The following EXOC4 variants were observed in gnomAD, a reference collection of about 807,000 sequenced individuals.
EXOC4 encodes SEC8-like 1.
Under a neutral mutation model 107.2 loss-of-function variants are expected in EXOC4, and 71 were observed. That is an observed-to-expected ratio of 0.66 (90% CI 0.55 to 0.81). The LOEUF (loss-of-function observed/expected upper bound fraction) is 0.81, where lower values mean the gene tolerates loss of function less well. EXOC4 is among the 30% of genes least tolerant of loss of function. EXOC4 has a pLI of 0.00. For synonymous variants in EXOC4, 456 were observed against 441.2 expected, an observed-to-expected ratio of 1.03 and a Z score of -0.42; for missense variants, 1,108 against 1,189.6, an observed-to-expected ratio of 0.93 and a Z score of 1.01.
At position 133,893,555 on chromosome 7, in the gene EXOC4, C is replaced by T. The variant is rs374351576; in HGVS notation, c.1735-2044C>T. Among the ~76,000 whole-genome samples, 6 of 64,816 alleles carry T rather than the reference C, an allele frequency of 9.3e-5. 1 individual carries two copies. The highest frequency in any genetic ancestry group is 1.6e-4 in the Non-Finnish European group (6 of 38,648). 42.5% of individuals were successfully genotyped at this position (64,816 alleles called of 152,430 possible). On this transcript the variant is annotated intron_variant, in intron 11 of 17. Transcript: ENST00000253861. ...TTTACATTTTGGCATGATTTTGCAG[C>T]GGCTGGTACCGGTTGTTCCTTTCCA...
chr7:133,855,165 A>ATTTT (rs374810348), intron 11 of EXOC4, among the ~76,000 whole-genome samples: 3 of 136,640 alleles, frequency 2.2e-5, no homozygotes, highest in African/African-American at 8.9e-5. Context: ...AAATATATAT[A>ATTTT]TTTTTTTTAT....
At chr7:133,918,730 C>T (rs1214039606) in intron 13 of EXOC4, among the ~76,000 whole-genome samples, 2 of 87,042 alleles carry the variant, frequency 2.3e-5, no homozygotes, top group Non-Finnish European at 4.1e-5. Flanking sequence ...ACATTTTCAC[C>T]TCTGTCACTT....
chr7:134,090,534 T>A, the EXOC4 span, among the ~76,000 whole-genome samples: 15 of 152,280 alleles, frequency 9.9e-5, no homozygotes, highest in East Asian at 2.7e-3. Context: ...TAAAAAGTTA[T>A]TTTTACCATT....
Position 134,005,890 on chromosome 7 carries a change from A to G in EXOC4, c.2527+800A>G, listed in dbSNP as rs201588677. 2.6e-5 allele frequency among the ~76,000 whole-genome samples: 4 copies of G among 152,196 alleles called. No individual in the cohort carries two copies. The East Asian group carries it at 5.8e-4, about 22-fold the overall frequency. ...GCTTTATGAAAGTTATATTCCAGCA[A>G]ATTTGGGCCCCCCAAAATCCAATCC... On this transcript the variant is annotated intron_variant, in intron 16 of 17. Coordinates refer to ENST00000253861, the MANE Select transcript of EXOC4 (RefSeq NM_021807.4).
chr7:133,466,283 A>C (rs555079295), intron 7 of EXOC4, among the ~76,000 whole-genome samples: 1 of 152,300 alleles, frequency 6.6e-6, no homozygotes, highest in East Asian at 1.9e-4. Context: ...AAAGATCAAA[A>C]ATTGATATAT....
At chr7:134,014,806 A>C (rs1794863784) in intron 17 of EXOC4, among the ~76,000 whole-genome samples, 1 of 152,100 alleles carries the variant, frequency 6.6e-6, no homozygotes, top group African/African-American at 2.4e-5. Flanking sequence ...TAAAAAAAAA[A>C]GAGGTTGAGT....
chr7:133,668,313 C>T (rs1219777431), intron 10 of EXOC4, among the ~76,000 whole-genome samples: 2 of 152,168 alleles, frequency 1.3e-5, no homozygotes, highest in African/African-American at 2.4e-5. Context: ...GGTCATCTTT[C>T]GGTCGTGTTC....
intron 5 of EXOC4, among the ~76,000 whole-genome samples, chr7:133,335,879 A>G (rs931263737): frequency 1.3e-5 from 2 of 152,068 alleles, no homozygotes; most frequent in South Asian, 2.1e-4. Context: ...GATAGTAGCT[A>G]TCCTAATGGG....
chr7:133,635,052 T>C (rs1373767073), intron 10 of EXOC4, among the ~76,000 whole-genome samples: 1 of 152,176 alleles, frequency 6.6e-6, no homozygotes, highest in Non-Finnish European at 1.5e-5. Context: ...AGAAGGAAGA[T>C]ATGTTAATGT....
rs189329411 is a variant in EXOC4 at position 133,674,015 on chromosome 7, T to G, written c.1514+43874T>G. Among the ~76,000 whole-genome samples, 244 of 152,306 alleles carry G rather than the reference T, an allele frequency of 1.6e-3. 1 individual carries two copies. Among genetic ancestry groups the G allele is most frequent in the Non-Finnish European group, 1.4e-3 (94 of 68,020 alleles). On this transcript the variant is annotated intron_variant, in intron 10 of 17. Coordinates refer to ENST00000253861, the MANE Select transcript of EXOC4 (RefSeq NM_021807.4). Reference sequence around the variant, plus strand: ...CCCTATTCTTAAGACCTACTGTGACTTTCTATAGTGGAGTTCAAGGAAGGC... The same window carrying G: ...CCCTATTCTTAAGACCTACTGTGACGTTCTATAGTGGAGTTCAAGGAAGGC...
intron 7 of EXOC4, among the ~76,000 whole-genome samples, chr7:133,406,728 CA>C (rs1453151034): frequency 2.6e-5 from 4 of 152,160 alleles, no homozygotes; most frequent in African/African-American, 9.7e-5. Flanking sequence ...TCTGCTTCTG[CA>C]GAAAGTTTTC....
At chr7:134,057,569 G>T (rs1330583420) in intron 17 of EXOC4, among the ~76,000 whole-genome samples, 1 of 152,142 alleles carries the variant, frequency 6.6e-6, no homozygotes, top group East Asian at 1.9e-4. Flanking sequence ...AGAGCAATTA[G>T]ATTATACTTT....
intron 7 of EXOC4, among the ~76,000 whole-genome samples, chr7:133,433,397 T>A (rs151222699): frequency 6.6e-6 from 1 of 152,342 alleles, no homozygotes; most frequent in East Asian, 1.9e-4. Flanking sequence ...GCAGTTGGAC[T>A]TGGTCTTTGC....
the EXOC4 span, among the ~76,000 whole-genome samples, chr7:134,092,308 C>A: frequency 6.6e-6 from 1 of 151,794 alleles, no homozygotes; most frequent in African/African-American, 2.4e-5. Context: ...AAAAAAAGTC[C>A]AATTTTTAAC....
intron 11 of EXOC4, among the ~76,000 whole-genome samples, chr7:133,872,321 C>A (rs1798767717): frequency 6.6e-6 from 1 of 152,104 alleles, no homozygotes; most frequent in Non-Finnish European, 1.5e-5. Context: ...TGGTCTTCAT[C>A]CAAGGCAGAA....
chr7:133,416,285 C>T (rs1385783344), intron 7 of EXOC4, among the ~76,000 whole-genome samples: 2 of 152,148 alleles, frequency 1.3e-5, no homozygotes, highest in Non-Finnish European at 2.9e-5. Flanking sequence ...TGGTGTAGTA[C>T]TTGACCATCA....
chr7:133,664,073 C>T (rs1183093503), intron 10 of EXOC4, among the ~76,000 whole-genome samples: 3 of 152,146 alleles, frequency 2.0e-5, no homozygotes, highest in African/African-American at 4.8e-5. Context: ...TTCCACCAAA[C>T]GTCCAAGAAA....
chr7:133,845,313 C>T (rs1201139941), intron 11 of EXOC4, among the ~76,000 whole-genome samples: 2 of 146,674 alleles, frequency 1.4e-5, no homozygotes, highest in Non-Finnish European at 1.5e-5. Flanking sequence ...CATGGGCCAA[C>T]TAGCATGATA....
At chr7:133,311,396 C>G (rs1211934256) in intron 4 of EXOC4, among the ~76,000 whole-genome samples, 1 of 151,732 alleles carries the variant, frequency 6.6e-6, no homozygotes, top group Non-Finnish European at 1.5e-5. Flanking sequence ...AGAAATAGAC[C>G]CCAGGATCTA....
Sources: allele counts gnomAD v4.1 joint callset (sites outside exome capture counted in the v4.1 genomes callset), GRCh38; gene constraint gnomAD v4.1.1; transcripts MANE v1.5; gene names NCBI Gene and HGNC (gene_info 2026-07-23, HGNC 2026-07-21).